SPAG17: variants seen among roughly 807,000 people sequenced by gnomAD.
The protein encoded by SPAG17 is sperm associated antigen 17, also known as sperm-associated antigen 17.
SPAG17 carries 169 observed loss-of-function variants against 273.6 expected under a neutral mutation model. The ratio of observed to expected loss-of-function variants is 0.62; its 90% confidence interval spans 0.55 to 0.70. The LOEUF (loss-of-function observed/expected upper bound fraction) is 0.70, where lower values mean the gene tolerates loss of function less well. SPAG17 is among the 30% of genes least tolerant of loss of function. SPAG17 has a pLI of 0.00. For synonymous variants in SPAG17, 825 were observed against 873.2 expected (o/e 0.94, Z 0.97); for missense variants, 2,557 against 2,627.8 (o/e 0.97, Z 0.59).
chr1:118,147,930 A>G lies in SPAG17; in HGVS notation c.315+2613T>C, dbSNP rs570268204. ...TCAACCACAGGCTAGGAAACCAGAA[A>G]GCCTAATTGATTAAAATTGTGTTTA... On this transcript the variant is annotated intron_variant, in intron 3 of 48. Transcript: ENST00000336338. Among the ~76,000 whole-genome samples, 14 of 152,316 alleles carry G rather than the reference A, an allele frequency of 9.2e-5. No homozygotes were observed. In the East Asian group the frequency reaches 1.7e-3, roughly 19 times the overall value.
At chr1:118,140,813 G>T (rs1331151197) in intron 3 of SPAG17, among the ~76,000 whole-genome samples, 1 of 152,156 alleles carries the variant, frequency 6.6e-6, no homozygotes, top group Non-Finnish European at 1.5e-5. Context: ...CCTCTTTAAA[G>T]TCTTAATGGC....
At chr1:118,152,148 GAAAC>G (rs1389727321) in intron 1 of SPAG17, among the ~76,000 whole-genome samples, 4 of 152,086 alleles carry the variant, frequency 2.6e-5, no homozygotes, top group Admixed American at 1.3e-4. Flanking sequence ...AGGGAGAGAT[GAAAC>G]AAACAAACAC....
chr1:118,179,830 TA>T (rs1161926215), intron 1 of SPAG17, among the ~76,000 whole-genome samples: 13 of 151,810 alleles, frequency 8.6e-5, no homozygotes, highest in Non-Finnish European at 1.8e-4. Context: ...GACCAAAAGG[TA>T]TATGAAAAGA....
chr1:118,060,244 A>C (rs2102022846), intron 18 of SPAG17, among the ~76,000 whole-genome samples: 1 of 152,218 alleles, frequency 6.6e-6, no homozygotes, highest in Admixed American at 6.5e-5. Flanking sequence ...CATGCATAAC[A>C]GTCCATTTTA....
chr1:117,970,057 G>A lies in SPAG17; in HGVS notation c.6386C>T (p.Pro2129Leu). 6.2e-7 allele frequency: 1 copy of A among 1,613,522 alleles called. No homozygotes were observed. The highest frequency in any genetic ancestry group is 8.5e-7 in the Non-Finnish European group (1 of 1,179,626). The change falls in exon 46 of 49, where the codon CCT becomes CTT. Residue 2129 changes from proline to leucine, a missense_variant and splice_region_variant. By Grantham distance (98) the Pro-to-Leu change is moderately conservative. Transcript: ENST00000336338. ...CAACAGATGACATATAGGACTTACAGGTCCAGGTTTGTAAGTCACTTTCAG... is the reference window on the plus strand; with the variant it reads ...CAACAGATGACATATAGGACTTACAAGTCCAGGTTTGTAAGTCACTTTCAG... ...TGLKVTYKPG[P>L]VAAGMQTELN...
At chr1:118,026,433 C>T (rs1313694658) in intron 26 of SPAG17, among the ~76,000 whole-genome samples, 1 of 152,126 alleles carries the variant, frequency 6.6e-6, no homozygotes, top group African/African-American at 2.4e-5. Context: ...ATTTTAAGAA[C>T]TATATATCAG....
chr1:117,999,545 T>C (rs557139768), intron 32 of SPAG17, among the ~76,000 whole-genome samples: 3 of 152,356 alleles, frequency 2.0e-5, no homozygotes, highest in South Asian at 2.1e-4. Context: ...TGGTATCTCA[T>C]TGTGGTTTTG....
At chr1:118,036,680 G>T in intron 24 of SPAG17, 90 bp downstream of exon 24, 1 of 810,332 alleles carries the variant, frequency 1.2e-6, no homozygotes. Context: ...ATCATAACAT[G>T]TTATTGACAA....
chr1:117,960,679 G>A (rs1557834976), intron 48 of SPAG17: 1 of 152,204 alleles, frequency 6.6e-6, no homozygotes, highest in African/African-American at 2.4e-5. Context: ...AGCAACAGGA[G>A]GTGGCTGTGA....
rs563802836 is a variant in SPAG17 at position 118,067,736 on chromosome 1, C to T, written c.2386-837G>A. Among the ~76,000 whole-genome samples, 50 of 152,274 alleles carry T rather than the reference C, an allele frequency of 3.3e-4. 2 individuals carry two copies. In the South Asian group the frequency reaches 9.3e-3, roughly 28 times the overall value. ...CTCATTTTTTCAGCATAAATTGAGG[C>T]TGAGAGAGTAAGGGACTTGTCCAAG... On this transcript the variant is annotated intron_variant, in intron 17 of 48. Coordinates refer to ENST00000336338, the MANE Select transcript of SPAG17 (RefSeq NM_206996.4).
rs1432393103 is a variant in SPAG17 at position 118,025,343 on chromosome 1, G to T, written c.3804C>A (p.His1268Gln). ...GCATCACCGTTTTATAGAACTCATA[G>T]TGCTTCACCCTCTGGGGGTAGCTCT... ...VRQSYPQRVK[H>Q]YEFYKTVMPP... The change falls in exon 27 of 49, where the codon CAC (histidine) becomes CAA (glutamine). Residue 1268 changes from histidine (H) to glutamine (Q), a missense_variant. Coordinates refer to ENST00000336338, the MANE Select transcript of SPAG17 (RefSeq NM_206996.4). 3.7e-6 allele frequency: 6 copies of T among 1,613,342 alleles called. No individual in the cohort carries two copies. The highest frequency in any genetic ancestry group is 5.1e-6 in the Non-Finnish European group (6 of 1,179,726).
At position 117,954,525 on chromosome 1, in the gene SPAG17, A is replaced by G. The variant is rs1034057274; in HGVS notation, c.*1-476T>C. On this transcript the variant is annotated intron_variant, in intron 48 of 48. Transcript: ENST00000336338. ...TACAGTTACCACTCTGTCTATAACA[A>G]GTGCTACCTAAGTCTCAGTTTTTTT... The G allele has an allele frequency of 1.0e-4, 157 of 1,535,484 alleles. 1 individual carries two copies. Among genetic ancestry groups the G allele is most frequent in the Non-Finnish European group, 1.2e-4 (134 of 1,114,764 alleles).
At chr1:118,136,786 A>AGTGTGTGTGTGTGT (rs1189168115) in intron 3 of SPAG17, among the ~76,000 whole-genome samples, 9 of 126,462 alleles carry the variant, frequency 7.1e-5, no homozygotes, top group Admixed American at 3.5e-4. Context: ...AAAGGGGTAA[A>AGTGTGTGTGTGTGT]GTGTGTGTGT....
At position 118,062,273 on chromosome 1, in the gene SPAG17, A is replaced by G. The variant is rs951347278; in HGVS notation, c.2540+4472T>C. 7.5e-5 allele frequency among the ~76,000 whole-genome samples: 11 copies of G among 147,048 alleles called. No individual in the cohort carries two copies. In the South Asian group the frequency reaches 2.5e-3, roughly 33 times the overall value. On this transcript the variant is annotated intron_variant, in intron 18 of 48. Transcript: ENST00000336338. ...TCCCAGCTACTTGGGAGGCTGAGGC[A>G]GGAGAATGGCACGAACCCGGGAGGC... is the stretch of plus-strand genomic sequence containing the variant.
At chr1:118,151,585 GA>G (rs1177135487) in intron 1 of SPAG17, among the ~76,000 whole-genome samples, 1 of 152,226 alleles carries the variant, frequency 6.6e-6, no homozygotes, top group Non-Finnish European at 1.5e-5. Context: ...ATTTTCTGGA[GA>G]AACTAGTCCT....
rs770691138 is a variant in SPAG17 at position 118,081,549 on chromosome 1, T to C, written c.1856A>G (p.Lys619Arg). 1 of 1,613,902 alleles carries C rather than the reference T, an allele frequency of 6.2e-7. No individual in the cohort carries two copies. The highest frequency in any genetic ancestry group is 8.5e-7 in the Non-Finnish European group (1 of 1,180,004). The change falls in exon 14 of 49, where the codon AAA (lysine) becomes AGA (arginine). Residue 619 changes from lysine (K) to arginine (R), a missense_variant. Physicochemically the swap from Lys to Arg is conservative, Grantham distance 26. Coordinates refer to ENST00000336338, the MANE Select transcript of SPAG17 (RefSeq NM_206996.4). ...TGACCCACACATCATCCCAGAAGGT[T>C]TCAGTTTCCCTTTTTCATCAACCTC... Reference protein sequence around the residue: ...LSEVDEKGKLKPSGMMCGSDS... With the variant: ...LSEVDEKGKLRPSGMMCGSDS...
In SPAG17 at chr1:118,099,781, AC is replaced by A. The variant is rs1558012679; in HGVS notation, c.653del (p.Gly218ValfsTer7). On this transcript the variant is annotated frameshift_variant, in exon 6 of 49. Transcript: ENST00000336338. LOFTEE classifies it high-confidence loss of function. ...CCACAACTATAATGTAATGTTGGGC[AC>A]CATCATCTGGCTCATCGTCTGTTCA... ...NRYIDDEPDD[G>X]AQHYIIVVGF... 2 of 1,612,556 alleles carry A rather than the reference AC, an allele frequency of 1.2e-6. No individual in the cohort carries two copies. Among genetic ancestry groups the A allele is most frequent in the Non-Finnish European group, 8.5e-7 (1 of 1,179,820 alleles).
At chr1:118,083,312 A>T (rs1654735991) in intron 13 of SPAG17, among the ~76,000 whole-genome samples, 1 of 152,114 alleles carries the variant, frequency 6.6e-6, no homozygotes, top group South Asian at 2.1e-4. Context: ...AAGGCACATG[A>T]TCCAACCAAC....
chr1:118,112,105 G>A (rs1236412147), intron 4 of SPAG17, among the ~76,000 whole-genome samples: 6 of 151,840 alleles, frequency 4.0e-5, no homozygotes, highest in African/African-American at 7.2e-5. Context: ...TTTTTGTATC[G>A]AAGCTTTTTT....
Sources: gnomAD v4.1 joint callset for allele counts (sites outside exome capture counted in the v4.1 genomes callset) on GRCh38, gnomAD v4.1.1 for gene constraint, MANE v1.5 for transcripts, NCBI Gene and HGNC (gene_info 2026-07-23, HGNC 2026-07-21) for gene names.